Variants in CSMD3 observed in about 807,000 individuals in gnomAD.
CSMD3 encodes CUB and Sushi multiple domains 3, also known as CUB and sushi domain-containing protein 3.
A neutral mutation model predicts 435.2 loss-of-function variants in CSMD3; 177 were observed. That is an observed-to-expected ratio of 0.41 (90% CI 0.36 to 0.46). CSMD3 has a LOEUF of 0.46. CSMD3 is among the 20% of genes least tolerant of loss of function. The pLI is 0.34. For synonymous variants in CSMD3, 1,656 were observed against 1,520.5 expected (o/e 1.09, Z -2.07); for missense variants, 4,265 against 4,504.6 (o/e 0.95, Z 1.52).
At chr8:112,383,224 G>A (rs1191254116) in intron 37 of CSMD3, among the ~76,000 whole-genome samples, 2 of 151,924 alleles carry the variant, frequency 1.3e-5, no homozygotes, top group Non-Finnish European at 2.9e-5. Context: ...ACAATTCAAA[G>A]CACAGTCTAA....
intron 13 of CSMD3, among the ~76,000 whole-genome samples, chr8:112,781,613 C>A (rs768405527): frequency 6.6e-6 from 1 of 152,032 alleles, no homozygotes; most frequent in African/African-American, 2.4e-5. Context: ...TTGCCACAGG[C>A]CTTCGGAGAC....
At chr8:112,299,536 A>G (rs1820704166) in intron 53 of CSMD3, among the ~76,000 whole-genome samples, 1 of 152,108 alleles carries the variant, frequency 6.6e-6, no homozygotes, top group Non-Finnish European at 1.5e-5. Context: ...GCAAATATGA[A>G]AAAAATGCTA....
At chr8:113,436,521 C>A (rs1393230791) in intron 1 of CSMD3, among the ~76,000 whole-genome samples, 156 bp downstream of exon 1, 2 of 151,746 alleles carry the variant, frequency 1.3e-5, no homozygotes, top group African/African-American at 4.8e-5. Context: ...AATGCATTTC[C>A]TATCTGAGGG....
Position 112,290,312 on chromosome 8 carries a change from T to G in CSMD3, c.8975-774A>C, listed in dbSNP as rs1322473243. On this transcript the variant is annotated intron_variant, in intron 56 of 70. Transcript: ENST00000297405. ...ACAAAAACTTAATAAAACCTTTCAGTATATAATACTCTACCAGGGAGAGCT... is the reference window on the plus strand; with the variant it reads ...ACAAAAACTTAATAAAACCTTTCAGGATATAATACTCTACCAGGGAGAGCT... Among the ~76,000 whole-genome samples, 4 of 151,974 alleles carry G rather than the reference T, an allele frequency of 2.6e-5. No homozygotes were observed. The East Asian group carries it at 5.8e-4, about 22-fold the overall frequency.
chr8:112,905,672 C>T, intron 10 of CSMD3, among the ~76,000 whole-genome samples: 1 of 151,384 alleles, frequency 6.6e-6, no homozygotes, highest in East Asian at 2.0e-4. Flanking sequence ...ATGCAACTTA[C>T]TATATATGAG....
chr8:113,384,038 A>G (rs1003742929), intron 1 of CSMD3, among the ~76,000 whole-genome samples: 1 of 152,186 alleles, frequency 6.6e-6, no homozygotes, highest in African/African-American at 2.4e-5. Context: ...ACACAAATTT[A>G]TAGGGTGTGT....
chr8:112,346,215 T>G lies in CSMD3; in HGVS notation c.6326-2A>C. 1 of 1,570,576 alleles carries G rather than the reference T, an allele frequency of 6.4e-7. No homozygotes were observed. Among genetic ancestry groups the G allele is most frequent in the South Asian group, 1.1e-5 (1 of 90,200 alleles). On this transcript the variant is annotated splice_acceptor_variant, in intron 40 of 70. Transcript: ENST00000297405. LOFTEE classifies it high-confidence loss of function. ...CTGACATAGCACCACCACACTGAGC[T>G]GCAAAATAACAGAAATCCAAAGTAA...
chr8:113,213,050 T>C (rs1381193761), intron 3 of CSMD3, among the ~76,000 whole-genome samples: 1 of 151,840 alleles, frequency 6.6e-6, no homozygotes, highest in Non-Finnish European at 1.5e-5. Flanking sequence ...CATTTATATA[T>C]CCCATAGATT....
At chr8:112,705,685 A>G (rs1056081398) in intron 13 of CSMD3, among the ~76,000 whole-genome samples, 5 of 152,070 alleles carry the variant, frequency 3.3e-5, no homozygotes. Context: ...GATACAGTCT[A>G]TAAGAGCTGC....
At chr8:112,229,884 G>A (rs1215960315) in intron 69 of CSMD3, among the ~76,000 whole-genome samples, 15 of 121,220 alleles carry the variant, frequency 1.2e-4, no homozygotes, top group Admixed American at 5.3e-4. Flanking sequence ...AGTGACAGCC[G>A]AGATTAAAAA....
At chr8:112,387,582 GT>G (rs910220484) in intron 36 of CSMD3, among the ~76,000 whole-genome samples, 24 of 149,582 alleles carry the variant, frequency 1.6e-4, no homozygotes, top group South Asian at 4.3e-4. Context: ...GTCCTTGATA[GT>G]TTTTTTTTAG....
intron 22 of CSMD3, among the ~76,000 whole-genome samples, chr8:112,614,354 T>C (rs1353900277): frequency 2.6e-5 from 4 of 152,150 alleles, no homozygotes; most frequent in Non-Finnish European, 4.4e-5. Flanking sequence ...CACTATATGT[T>C]TGTCCCTTTG....
At chr8:113,060,894 A>G (rs1348836450) in intron 5 of CSMD3, among the ~76,000 whole-genome samples, 1 of 152,184 alleles carries the variant, frequency 6.6e-6, no homozygotes, top group East Asian at 1.9e-4. Flanking sequence ...AAGAAGAATA[A>G]CAATACCTGT....
intron 4 of CSMD3, among the ~76,000 whole-genome samples, chr8:113,127,444 T>G (rs569641768): frequency 6.6e-6 from 1 of 152,142 alleles, no homozygotes; most frequent in South Asian, 2.1e-4. Flanking sequence ...TTTCAAGCCC[T>G]TGGGACCACC....
chr8:113,048,080 A>G (rs2087913144), intron 5 of CSMD3, among the ~76,000 whole-genome samples: 1 of 137,252 alleles, frequency 7.3e-6, no homozygotes, highest in South Asian at 2.3e-4. Flanking sequence ...TGTAACTTCA[A>G]TTCTTTTTTT....
At chr8:113,161,984 T>C (rs2092049624) in intron 4 of CSMD3, among the ~76,000 whole-genome samples, 1 of 152,154 alleles carries the variant, frequency 6.6e-6, no homozygotes, top group South Asian at 2.1e-4. Flanking sequence ...GATTTTTTTT[T>C]CAATTTTCAC....
intron 1 of CSMD3, among the ~76,000 whole-genome samples, chr8:113,320,832 G>A (rs552865475): frequency 1.3e-5 from 2 of 152,002 alleles, no homozygotes. Context: ...AGATATAGCT[G>A]TAAGCAATAC....
chr8:113,066,558 T>G (rs2088868750), intron 5 of CSMD3, among the ~76,000 whole-genome samples: 1 of 152,148 alleles, frequency 6.6e-6, no homozygotes, highest in South Asian at 2.1e-4. Flanking sequence ...AAATTAACTG[T>G]GTCCCAGATT....
At chr8:112,813,614 T>C (rs1229097211) in intron 12 of CSMD3, among the ~76,000 whole-genome samples, 1 of 152,084 alleles carries the variant, frequency 6.6e-6, no homozygotes, top group Non-Finnish European at 1.5e-5. Flanking sequence ...TGTTTATAGC[T>C]TTCTTGGGGA....
Sources: gnomAD v4.1 joint callset for allele counts (sites outside exome capture counted in the v4.1 genomes callset) on GRCh38, gnomAD v4.1.1 for gene constraint, MANE v1.5 for transcripts, NCBI Gene and HGNC (gene_info 2026-07-23, HGNC 2026-07-21) for gene names.